The following RHOBTB2 variants were observed in gnomAD, a reference collection of about 807,000 sequenced individuals.
RHOBTB2 encodes Rho related BTB domain containing 2.
Under a neutral mutation model 66.5 loss-of-function variants are expected in RHOBTB2, and 39 were observed. That is an observed-to-expected ratio of 0.59 (90% CI 0.45 to 0.77). RHOBTB2 has a LOEUF of 0.77. Ranked by LOEUF, RHOBTB2 falls within the 30% of genes least tolerant of loss-of-function variation. The pLI is 0.00. For missense variants in RHOBTB2, 755 were observed against 999.1 expected, an observed-to-expected ratio of 0.76 and a Z score of 3.29; for synonymous variants, 390 against 395.0, an observed-to-expected ratio of 0.99 and a Z score of 0.15.
Position 23,007,066 on chromosome 8 carries a change from A to G in RHOBTB2, c.821A>G (p.Glu274Gly), listed in dbSNP as rs750082460. The change falls in exon 5 of 10, where the codon GAG (glutamate) becomes GGG (glycine). Residue 274 changes from glutamate to glycine, a missense_variant. Around this residue, in one of 7 missense-constraint regions of RHOBTB2, gnomAD observed 247 missense variants for 238.9 expected, o/e 1.03. Coordinates refer to ENST00000251822, the MANE Select transcript of RHOBTB2 (RefSeq NM_015178.3). Reference sequence around the variant, plus strand: ...GCGGACGTCATCCTGGTGCTGCAGGAGCGGGTGCGCATCTTTGCCCACAAG... The same window carrying G: ...GCGGACGTCATCCTGGTGCTGCAGGGGCGGGTGCGCATCTTTGCCCACAAG... ...LCADVILVLQ[E>G]RVRIFAHKIY... 10 of 1,610,640 alleles carry G rather than the reference A, an allele frequency of 6.2e-6. 1 individual carries two copies. In the South Asian group the frequency reaches 1.1e-4, roughly 18 times the overall value.
chr8:23,010,448 G>A lies in RHOBTB2; in HGVS notation c.1621-90G>A. ...TGCCCGTCTGGGGGAGCCTGGGTGT[G>A]AGGGCCAGAGCTCTTCAATTTCTCA... On this transcript the variant is annotated intron_variant, in intron 6 of 9. Coordinates refer to ENST00000251822, the MANE Select transcript of RHOBTB2 (RefSeq NM_015178.3). The A allele has an allele frequency of 2.8e-6, 4 of 1,452,030 alleles. No individual in the cohort carries two copies. The South Asian group carries it at 5.3e-5, about 19-fold the overall frequency. The allele number at this position is 1,452,030 out of a possible 1,614,324, so 89.9% of individuals were successfully genotyped here.
chr8:23,014,868 C>G (rs1563296311), intron 8 of RHOBTB2, 90 bp downstream of exon 8: 2 of 1,032,778 alleles, frequency 1.9e-6, no homozygotes, highest in East Asian at 5.1e-5. Flanking sequence ...GGAAGATGGT[C>G]TATGCGGGAG....
the RHOBTB2 span, among the ~76,000 whole-genome samples, chr8:22,970,562 CTGCAT>C: frequency 0.011 from 1,603 of 151,450 alleles, 24 homozygotes; most frequent in African/African-American, 0.037. Context: ...AATCATGCCA[CTGCAT>C]TTCAGAACCT....
At chr8:22,967,920 G>T in the RHOBTB2 span, among the ~76,000 whole-genome samples, 1 of 152,144 alleles carries the variant, frequency 6.6e-6, no homozygotes, top group Non-Finnish European at 1.5e-5. Flanking sequence ...ACTTTGGGAG[G>T]CTGAGGCAGG....
intron 7 of RHOBTB2, among the ~76,000 whole-genome samples, chr8:23,010,997 A>G (rs1811130108): frequency 6.6e-6 from 1 of 152,240 alleles, no homozygotes; most frequent in South Asian, 2.1e-4. Flanking sequence ...TGGGAGGCCA[A>G]GGCGGGAGGA....
rs1173052665 is a variant in RHOBTB2 at position 23,017,364 on chromosome 8, C to A, written c.2079C>A (p.Leu693=). The A allele has an allele frequency of 6.2e-7, 1 of 1,614,204 alleles. No homozygotes were observed. The highest frequency in any genetic ancestry group is 2.2e-5 in the East Asian group (1 of 44,878). The change falls in exon 10 of 10, where the codon CTC becomes CTA. Residue 693 remains leucine, a synonymous_variant. Coordinates refer to ENST00000251822, the MANE Select transcript of RHOBTB2 (RefSeq NM_015178.3). The surrounding 1 kb of genome is among the most constrained non-coding windows in gnomAD (Gnocchi z 5.3). ...KEREKEDYLH[L]KRQPKRRWLF... The stretch of plus-strand genomic sequence containing the variant: ...GTGAGAAGGAGGACTACCTCCACCT[C>A]AAGCGGCAGCCCAAACGGCGTTGGC...
At chr8:22,962,891 A>G in the RHOBTB2 span, among the ~76,000 whole-genome samples, 1 of 152,206 alleles carries the variant, frequency 6.6e-6, no homozygotes, top group African/African-American at 2.4e-5. Context: ...AAAATACTTG[A>G]GTGGACCACC....
chr8:23,010,589 C>A lies in RHOBTB2; in HGVS notation c.1672C>A (p.Leu558Ile), dbSNP rs768318061. ...KSCMRAVLEYLYTGMFTSSPD... is the reference protein window; with the variant it reads ...KSCMRAVLEYIYTGMFTSSPD... Reference sequence around the variant, plus strand: ...CTGCATGCGGGCCGTGCTGGAATACCTCTACACCGGCATGTTCACCTCCAG... The same window carrying A: ...CTGCATGCGGGCCGTGCTGGAATACATCTACACCGGCATGTTCACCTCCAG... The change falls in exon 7 of 10, where the codon CTC becomes ATC. Residue 558 changes from leucine (L) to isoleucine (I), a missense_variant. Physicochemically the swap from Leu to Ile is conservative, Grantham distance 5. Transcript: ENST00000251822. 6.2e-7 allele frequency: 1 copy of A among 1,614,136 alleles called. No homozygotes were observed. Among genetic ancestry groups the A allele is most frequent in the Non-Finnish European group, 8.5e-7 (1 of 1,180,022 alleles).
chr8:22,998,337 C>T (rs1164252726), upstream of RHOBTB2, among the ~76,000 whole-genome samples: 1 of 152,080 alleles, frequency 6.6e-6, no homozygotes, highest in African/African-American at 2.4e-5. Flanking sequence ...GTGGTGGAGG[C>T]GGTTCAGGTG....
the RHOBTB2 span, among the ~76,000 whole-genome samples, chr8:22,981,137 A>T: frequency 6.6e-6 from 1 of 152,226 alleles, no homozygotes; most frequent in African/African-American, 2.4e-5. Context: ...TACATATAAA[A>T]GGTCTGCTTG....
In RHOBTB2 at chr8:23,013,492, T is replaced by G. The variant is rs1326249204; in HGVS notation, c.1772-1198T>G. 2.0e-5 allele frequency among the ~76,000 whole-genome samples: 3 copies of G among 151,970 alleles called. No homozygotes were observed. The East Asian group carries it at 5.8e-4, about 29-fold the overall frequency. On this transcript the variant is annotated intron_variant, in intron 7 of 9. Transcript: ENST00000251822. ...CTACAGCATGGTTTTTTGCATTATT[T>G]TTTACTTTTATTTTTTATTTTTGGA...
intron 1 of RHOBTB2, among the ~76,000 whole-genome samples, chr8:23,001,439 A>G (rs1810778003): frequency 6.6e-6 from 1 of 152,138 alleles, no homozygotes; most frequent in African/African-American, 2.4e-5. Context: ...CAAAAATTAT[A>G]TTACTCTTGG....
At chr8:22,977,734 T>C in the RHOBTB2 span, 13 of 152,156 alleles carry the variant, frequency 8.5e-5, no homozygotes, top group Non-Finnish European at 1.8e-4. Context: ...AAAATAGCTA[T>C]AAAAATGTGT....
chr8:23,013,564 C>T (rs948010331), intron 7 of RHOBTB2, among the ~76,000 whole-genome samples: 2 of 151,844 alleles, frequency 1.3e-5, no homozygotes, highest in African/African-American at 2.4e-5. Flanking sequence ...GATGTGATCT[C>T]GGCTCACTGA....
At chr8:22,974,166 G>C in the RHOBTB2 span, among the ~76,000 whole-genome samples, 2 of 152,174 alleles carry the variant, frequency 1.3e-5, no homozygotes, top group Admixed American at 6.5e-5. Context: ...TGGGGGTATG[G>C]AGGGAGGAAA....
chr8:22,993,877 C>G (rs890882665), intron 2 of RHOBTB2, among the ~76,000 whole-genome samples: 3 of 152,236 alleles, frequency 2.0e-5, no homozygotes, highest in African/African-American at 7.2e-5. Flanking sequence ...AAACTGGTCC[C>G]AAGACTGTGA....
chr8:23,007,052 C>T lies in RHOBTB2; in HGVS notation c.807C>T (p.Ile269=). 1.9e-6 allele frequency: 3 copies of T among 1,610,142 alleles called. No homozygotes were observed. The highest frequency in any genetic ancestry group is 2.5e-6 in the Non-Finnish European group (3 of 1,179,172). ...AGGACCCGCTCTGCGCGGACGTCATCCTGGTGCTGCAGGAGCGGGTGCGCA... is the reference window on the plus strand; with the variant it reads ...AGGACCCGCTCTGCGCGGACGTCATTCTGGTGCTGCAGGAGCGGGTGCGCA... ...LLEDPLCADV[I]LVLQERVRIF... is the part of the protein sequence containing the mutation. The change falls in exon 5 of 10, where the codon ATC becomes ATT. Residue 269 remains isoleucine (I), a synonymous_variant. Coordinates refer to ENST00000251822, the MANE Select transcript of RHOBTB2 (RefSeq NM_015178.3).
upstream of RHOBTB2, among the ~76,000 whole-genome samples, chr8:22,997,420 G>A (rs942032053): frequency 9.9e-4 from 151 of 152,328 alleles, no homozygotes; most frequent in African/African-American, 3.3e-3. Flanking sequence ...TCCTGCCTCT[G>A]CCTGAAACAG....
upstream of RHOBTB2, among the ~76,000 whole-genome samples, chr8:22,996,529 G>GTC (rs1810566207): frequency 1.5e-5 from 2 of 134,054 alleles, no homozygotes; most frequent in Non-Finnish European, 3.2e-5. Flanking sequence ...GTGTGTGTGT[G>GTC]TGTGTGTGTG....
Sources: gnomAD v4.1 joint callset for allele counts (sites outside exome capture counted in the v4.1 genomes callset) on GRCh38, gnomAD v4.1.1 for gene constraint, gnomAD v4.1.1 regional missense constraint, Gnocchi (gnomAD v3.1) non-coding constraint, MANE v1.5 for transcripts, NCBI Gene and HGNC (gene_info 2026-07-23, HGNC 2026-07-21) for gene names.